Variants in FAM240A observed in about 807,000 individuals in gnomAD.
FAM240A encodes the protein protein FAM240A.
Under a neutral mutation model 7.3 loss-of-function variants are expected in FAM240A, and 8 were observed. The observed-to-expected ratio is 1.09, with a 90% confidence interval of 0.64 to 1.97. FAM240A has a LOEUF of 1.97. Ranked by LOEUF, FAM240A falls within the 30% of genes most tolerant of loss-of-function variation. FAM240A has a pLI of 0.00. For synonymous variants in FAM240A, 32 were observed against 35.9 expected (o/e 0.89, Z 0.38); for missense variants, 90 against 102.2 (o/e 0.88, Z 0.52).
chr3:46,625,067 C>G, intron 2 of FAM240A, 61 bp from the exon 3 acceptor site: 2 of 1,287,028 alleles, frequency 1.6e-6, no homozygotes, highest in Non-Finnish European at 2.2e-6. Context: ...GAAGAAAGCT[C>G]TCCTGAACCA....
rs1289870647 is a variant in FAM240A at position 46,625,385 on chromosome 3, A to T, written c.*167A>T. 2.1e-6 allele frequency: 1 copy of T among 480,428 alleles called. No individual in the cohort carries two copies. Among genetic ancestry groups the T allele is most frequent in the African/African-American group, 2.0e-5 (1 of 50,728 alleles). 29.8% of individuals were successfully genotyped at this position (480,428 alleles called of 1,614,324 possible). On this transcript the variant is annotated 3_prime_UTR_variant, in exon 3 of 3. Coordinates refer to ENST00000640551, the MANE Select transcript of FAM240A (RefSeq NM_001195442.2). Reference sequence around the variant, plus strand: ...AAATCCTTTCCCAGTGTTTGATGGCAGTTATTGGCCAAGTCAGTCCTCTGT... The same window carrying T: ...AAATCCTTTCCCAGTGTTTGATGGCTGTTATTGGCCAAGTCAGTCCTCTGT...
intron 2 of FAM240A, among the ~76,000 whole-genome samples, chr3:46,624,418 C>T (rs927399736): frequency 6.6e-6 from 1 of 151,844 alleles, no homozygotes; most frequent in Non-Finnish European, 1.5e-5. Flanking sequence ...ACTGCAGGCA[C>T]CCGCCACCAT....
chr3:46,623,365 T>G (rs889203225), intron 2 of FAM240A, among the ~76,000 whole-genome samples: 1 of 152,192 alleles, frequency 6.6e-6, no homozygotes, highest in African/African-American at 2.4e-5. Context: ...AAAAAGAATG[T>G]GTGTTCTGCC....
intron 2 of FAM240A, among the ~76,000 whole-genome samples, chr3:46,622,664 C>T (rs537806485): frequency 2.6e-5 from 4 of 152,202 alleles, no homozygotes; most frequent in East Asian, 1.9e-4. Flanking sequence ...TGTCTTTGCA[C>T]GTTTGTTGAA....
At chr3:46,612,894 G>A (rs746033815) in intron 1 of FAM240A, among the ~76,000 whole-genome samples, 196 bp downstream of exon 1, 1 of 152,180 alleles carries the variant, frequency 6.6e-6, no homozygotes, top group Non-Finnish European at 1.5e-5. Flanking sequence ...TCCAACTATG[G>A]ACAGTCTCCT....
chr3:46,617,205 G>A lies in FAM240A; in HGVS notation c.38G>A (p.Arg13His), dbSNP rs189023082. Residue 13 changes from arginine to histidine, a missense_variant, in exon 2 of 3, where the codon CGT becomes CAT. Physicochemically the swap from Arg to His is conservative, Grantham distance 29. Coordinates refer to ENST00000640551, the MANE Select transcript of FAM240A (RefSeq NM_001195442.2). ...TAGGGGATGAACAATCAATACACCC[G>A]TCGGGAGGTCTTCTGCCGGAACACC... ...LFSGMNNQYT[R>H]REVFCRNTCH... is the part of the protein sequence containing the mutation. 7.9e-4 allele frequency: 1,214 copies of A among 1,533,210 alleles called. 3 individuals carry two copies. The highest frequency in any genetic ancestry group is 7.1e-4 in the South Asian group (59 of 83,486). 95.0% of individuals were successfully genotyped at this position (1,533,210 alleles called of 1,614,324 possible).
At chr3:46,618,868 TA>T (rs1697661387) in intron 2 of FAM240A, among the ~76,000 whole-genome samples, 1 of 24,404 alleles carries the variant, frequency 4.1e-5, no homozygotes, top group African/African-American at 1.8e-4. Flanking sequence ...TATATATATG[TA>T]TATATATATA....
In FAM240A at chr3:46,625,393, GC is replaced by G; in HGVS notation, c.*177del. On this transcript the variant is annotated 3_prime_UTR_variant, in exon 3 of 3. Coordinates refer to ENST00000640551, the MANE Select transcript of FAM240A (RefSeq NM_001195442.2). ...TCCCAGTGTTTGATGGCAGTTATTG[GC>G]CAAGTCAGTCCTCTGTGCATGGGCG... is the stretch of plus-strand genomic sequence containing the variant. The G allele has an allele frequency of 4.2e-6, 2 of 472,530 alleles. No homozygotes were observed. The highest frequency in any genetic ancestry group is 3.8e-6 in the Non-Finnish European group (1 of 262,602). The allele number at this position is 472,530 out of a possible 1,614,324, so 29.3% of individuals were successfully genotyped here.
chr3:46,618,264 T>A (rs1697652510), intron 2 of FAM240A, among the ~76,000 whole-genome samples: 1 of 152,216 alleles, frequency 6.6e-6, no homozygotes, highest in African/African-American at 2.4e-5. Flanking sequence ...CTCAGCCTTA[T>A]TCCCGACTAC....
chr3:46,614,437 C>T (rs140705665), intron 1 of FAM240A, among the ~76,000 whole-genome samples: 4 of 152,298 alleles, frequency 2.6e-5, no homozygotes, highest in Non-Finnish European at 5.9e-5. Flanking sequence ...TACTTGTTTT[C>T]ACCATTGTGT....
chr3:46,625,091 T>C (rs1267847830), intron 2 of FAM240A, 37 bp from the exon 3 acceptor site: 1 of 1,442,244 alleles, frequency 6.9e-7, no homozygotes, highest in East Asian at 2.5e-5. Context: ...GCCATGGAAA[T>C]GAATGCTCCA....
chr3:46,615,002 G>T (rs1052212962), intron 1 of FAM240A, among the ~76,000 whole-genome samples: 5 of 152,160 alleles, frequency 3.3e-5, no homozygotes, highest in Non-Finnish European at 5.9e-5. Context: ...TTTATAAATT[G>T]CAGAACACTT....
In FAM240A at chr3:46,626,208, A is replaced by G. The variant is rs1363278607; in HGVS notation, c.*990A>G. 1 of 152,188 alleles carries G rather than the reference A, an allele frequency of 6.6e-6. No homozygotes were observed. The highest frequency in any genetic ancestry group is 1.5e-5 in the Non-Finnish European group (1 of 68,046). The allele number at this position is 152,188 out of a possible 1,614,324, so 9.4% of individuals were successfully genotyped here. On this transcript the variant is annotated 3_prime_UTR_variant, in exon 3 of 3. Coordinates refer to ENST00000640551, the MANE Select transcript of FAM240A (RefSeq NM_001195442.2). ...CGCACCTGACAGCAATAACAAGATA[A>G]TAAGTTAAGCAAATACACTGAGAAT...
At chr3:46,613,065 T>A (rs1002342007) in intron 1 of FAM240A, among the ~76,000 whole-genome samples, 1 of 152,230 alleles carries the variant, frequency 6.6e-6, no homozygotes, top group Non-Finnish European at 1.5e-5. Context: ...GAACTTGAAC[T>A]TCTAGTCCAA....
chr3:46,613,490 T>TATAAATAAATAAATAAATAA (rs1559437364), intron 1 of FAM240A, among the ~76,000 whole-genome samples: 42 of 20,648 alleles, frequency 2.0e-3, no homozygotes, highest in African/African-American at 3.9e-3. Flanking sequence ...TGAAACTCCT[T>TATAAATAAATAAATAAATAA]CTAAATAAAT....
intron 1 of FAM240A, among the ~76,000 whole-genome samples, chr3:46,614,335 C>G (rs1697604508): frequency 6.6e-6 from 1 of 152,190 alleles, no homozygotes; most frequent in Non-Finnish European, 1.5e-5. Context: ...GTAGCCACTA[C>G]AGTTCTGCTC....
At chr3:46,620,020 G>A (rs1445750654) in intron 2 of FAM240A, among the ~76,000 whole-genome samples, 1 of 152,058 alleles carries the variant, frequency 6.6e-6, no homozygotes, top group Non-Finnish European at 1.5e-5. Flanking sequence ...ATGGGTCTTT[G>A]CTGCCTACTT....
At position 46,621,931 on chromosome 3, in the gene FAM240A, CCTTT is replaced by C. The variant is rs199813650; in HGVS notation, c.162-3194_162-3191del. Among the ~76,000 whole-genome samples the C allele has an allele frequency of 6.7e-4, 102 of 151,728 alleles. No individual in the cohort carries two copies. The East Asian group carries it at 0.019, about 28-fold the overall frequency. On this transcript the variant is annotated intron_variant, in intron 2 of 2. Transcript: ENST00000640551. ...CTTTATGATTTCCCTTTTCTGTATTCCTTTCTATTTTTTTCTTACTCTTTGAATT... is the reference window on the plus strand; with the variant it reads ...CTTTATGATTTCCCTTTTCTGTATTCCTATTTTTTTCTTACTCTTTGAATT...
At chr3:46,623,714 G>C (rs560572495) in intron 2 of FAM240A, among the ~76,000 whole-genome samples, 19 of 152,122 alleles carry the variant, frequency 1.2e-4, no homozygotes, top group Non-Finnish European at 2.2e-4. Flanking sequence ...CTTTGATTAG[G>C]TTTAGCATGG....
Sources: gnomAD v4.1 joint callset for allele counts (sites outside exome capture counted in the v4.1 genomes callset) on GRCh38, gnomAD v4.1.1 for gene constraint, MANE v1.5 for transcripts, NCBI Gene and HGNC (gene_info 2026-07-23, HGNC 2026-07-21) for gene names.